Variants in NAV3 observed in about 807,000 individuals in gnomAD.
NAV3 encodes the protein neuron navigator 3.
Under a neutral mutation model 244.7 loss-of-function variants are expected in NAV3, and 87 were observed. The ratio of observed to expected loss-of-function variants is 0.36; its 90% CI spans 0.30 to 0.42. The LOEUF (loss-of-function observed/expected upper bound fraction) is 0.42. Ranked by LOEUF, NAV3 falls within the 20% of genes least tolerant of loss-of-function variation. The pLI is 1.00. For missense variants in NAV3, 2,663 were observed against 2,893.3 expected, an observed-to-expected ratio of 0.92 and a Z score of 1.83; for synonymous variants, 1,126 against 1,042.2, an observed-to-expected ratio of 1.08 and a Z score of -1.55.
At chr12:77,906,574 G>T (rs1158577486) in intron 1 of NAV3, among the ~76,000 whole-genome samples, 1 of 152,054 alleles carries the variant, frequency 6.6e-6, no homozygotes. Context: ...AGGAAATAAT[G>T]TCCAGGTATT....
rs542317623 is a variant in NAV3, at chr12:77,933,266, T to C, written c.244-7053T>C. ...CCTGCCTGCACTCAGAAAGTGTTTA[T>C]ATGACTGTTAGAGTGATTGGGTGAG... On this transcript the variant is annotated intron_variant, in intron 1 of 39. Coordinates refer to ENST00000397909, the MANE Select transcript of NAV3 (RefSeq NM_001024383.2). Among the ~76,000 whole-genome samples the C allele has an allele frequency of 2.6e-5, 4 of 152,260 alleles. No homozygotes were observed. The South Asian group carries it at 8.3e-4, about 32-fold the overall frequency.
intron 3 of NAV3, among the ~76,000 whole-genome samples, chr12:77,943,734 C>T (rs916084058): frequency 1.3e-5 from 2 of 152,212 alleles, no homozygotes; most frequent in African/African-American, 4.8e-5. Context: ...GCTCATAGGA[C>T]TACTTTGGCC....
In NAV3 at chr12:78,185,663, A is replaced by G. The variant is rs778901614; in HGVS notation, c.5755A>G (p.Ile1919Val). The G allele has an allele frequency of 5.6e-6, 9 of 1,608,358 alleles. No individual in the cohort carries two copies. The highest frequency in any genetic ancestry group is 7.6e-6 in the Non-Finnish European group (9 of 1,177,370). The change falls in exon 31 of 40, where the codon ATA becomes GTA. Residue 1919 changes from isoleucine (I) to valine (V), a missense_variant. Around this residue, in one of 6 missense-constraint regions of NAV3, gnomAD observed 543 missense variants for 672.4 expected, o/e 0.81. Coordinates refer to ENST00000397909, the MANE Select transcript of NAV3 (RefSeq NM_001024383.2). The part of the protein sequence containing the change: ...GHKDGRSVKI[I>V]VSISKGYGRA... ...TAAAGATGGCCGCAGTGTGAAAATT[A>G]TAGTCTCCATAAGCAAGGGCTATGG...
intron 2 of NAV3, among the ~76,000 whole-genome samples, chr12:77,808,542 T>C (rs940269227): frequency 6.6e-6 from 1 of 152,188 alleles, no homozygotes; most frequent in Non-Finnish European, 1.5e-5. Context: ...TTCCTTCCTC[T>C]GGAAGCTTCG....
At chr12:78,017,938 G>A (rs148382501) in intron 8 of NAV3, among the ~76,000 whole-genome samples, 79 of 152,228 alleles carry the variant, frequency 5.2e-4, no homozygotes, top group Admixed American at 4.8e-3. Context: ...CAAATTATGA[G>A]GTGGAAATAC....
chr12:78,101,088 G>A (rs1954514989), intron 12 of NAV3, among the ~76,000 whole-genome samples: 1 of 152,140 alleles, frequency 6.6e-6, no homozygotes, highest in Non-Finnish European at 1.5e-5. Flanking sequence ...ATAAATCACA[G>A]GTAATGACTA....
intron 9 of NAV3, among the ~76,000 whole-genome samples, chr12:78,038,440 C>T (rs1016437016): frequency 1.3e-5 from 2 of 152,198 alleles, no homozygotes; most frequent in Non-Finnish European, 2.9e-5. Flanking sequence ...TGTAGACCCT[C>T]CTGTTACAAG....
intron 1 of NAV3, among the ~76,000 whole-genome samples, chr12:77,833,154 A>C (rs1306188415): frequency 6.6e-6 from 1 of 152,158 alleles, no homozygotes; most frequent in Non-Finnish European, 1.5e-5. Flanking sequence ...TGTGTATTTT[A>C]ATTATCTGGA....
At position 77,940,399 on chromosome 12, in the gene NAV3, A is replaced by C. The variant is rs17817265; in HGVS notation, c.324A>C (p.Ala108=). 2 of 1,613,780 alleles carry C rather than the reference A, an allele frequency of 1.2e-6. No individual in the cohort carries two copies. Among genetic ancestry groups the C allele is most frequent in the African/African-American group, 2.7e-5 (2 of 75,014 alleles). Residue 108 remains alanine, a synonymous_variant, in exon 2 of 40, where the codon GCA becomes GCC. Transcript: ENST00000397909. ...TCAAGGACTTGCAACAAGACATTGC[A>C]GATGGAGTACTCCTAGCAGAAATCA... ...RLIKDLQQDI[A]DGVLLAEIIQ... is the part of the protein sequence containing the mutation.
chr12:77,833,376 A>C (rs957436), intron 1 of NAV3, among the ~76,000 whole-genome samples: 132,118 of 152,164 alleles, frequency 0.87, 57,591 homozygotes, highest in Non-Finnish European at 0.91. Context: ...GATTCAGTTA[A>C]GTTTGTTCAT....
chr12:78,112,125 T>A (rs905447972), intron 12 of NAV3, among the ~76,000 whole-genome samples: 4 of 152,150 alleles, frequency 2.6e-5, no homozygotes, highest in Admixed American at 2.0e-4. Context: ...CCTCTGACAC[T>A]TGAAACTTGA....
chr12:77,797,523 AGTTT>A (rs751721460), intron 2 of NAV3, among the ~76,000 whole-genome samples: 1 of 123,100 alleles, frequency 8.1e-6, no homozygotes, highest in African/African-American at 2.9e-5. Flanking sequence ...ATCTTTAAAA[AGTTT>A]TTTTTTTTTT....
chr12:77,707,861 T>C (rs569106736), intron 2 of NAV3, among the ~76,000 whole-genome samples: 1 of 152,380 alleles, frequency 6.6e-6, no homozygotes, highest in South Asian at 2.1e-4. Context: ...AAATGACTTC[T>C]TTTGAGACGT....
chr12:78,152,192 G>C (rs1032343790), intron 22 of NAV3, among the ~76,000 whole-genome samples: 3 of 151,486 alleles, frequency 2.0e-5, no homozygotes, highest in Non-Finnish European at 4.4e-5. Flanking sequence ...TTGTAAAAAT[G>C]TACAAATTGA....
intron 2 of NAV3, among the ~76,000 whole-genome samples, chr12:77,721,412 A>G (rs1370050308): frequency 6.6e-6 from 1 of 151,860 alleles, no homozygotes; most frequent in African/African-American, 2.4e-5. Context: ...TGGGTAATTA[A>G]CCTTTTTGTT....
intron 5 of NAV3, among the ~76,000 whole-genome samples, chr12:77,979,245 A>T (rs1869089441): frequency 6.9e-6 from 1 of 145,932 alleles, no homozygotes; most frequent in African/African-American, 2.5e-5. Context: ...AAAAAAAGTT[A>T]GCCAGAAGTG....
intron 1 of NAV3, among the ~76,000 whole-genome samples, chr12:77,852,304 G>A (rs997470422): frequency 3.3e-5 from 5 of 152,166 alleles, no homozygotes; most frequent in Non-Finnish European, 7.3e-5. Flanking sequence ...GGAGGCTAAG[G>A]CAGGGGGATA....
rs560652671 is a variant in NAV3 at position 77,790,856 on chromosome 12, A to T, written c.73-149463A>T. ...TCACCTGACCACTTCACTCAGGGCGACCTTTGCTGACTGAGGTCTGTGTAT... is the reference window on the plus strand; with the variant it reads ...TCACCTGACCACTTCACTCAGGGCGTCCTTTGCTGACTGAGGTCTGTGTAT... On this transcript the variant is annotated intron_variant, in intron 2 of 8. Coordinates refer to the NAV3 transcript ENST00000550042. 1.7e-4 allele frequency among the ~76,000 whole-genome samples: 26 copies of T among 152,138 alleles called. No individual in the cohort carries two copies. In the East Asian group the frequency reaches 4.3e-3, roughly 25 times the overall value.
chr12:77,832,527 T>C (rs1460219874), intron 1 of NAV3, among the ~76,000 whole-genome samples: 3 of 152,216 alleles, frequency 2.0e-5, no homozygotes, highest in Non-Finnish European at 2.9e-5. Flanking sequence ...TATATATTTA[T>C]GTGGTTCATG....
Sources: gnomAD v4.1 joint callset for allele counts (sites outside exome capture counted in the v4.1 genomes callset) on GRCh38, gnomAD v4.1.1 for gene constraint, gnomAD v4.1.1 regional missense constraint, MANE v1.5 for transcripts, NCBI Gene and HGNC (gene_info 2026-07-23, HGNC 2026-07-21) for gene names.